Variants in GRIK1 observed in about 807,000 individuals in gnomAD.
GRIK1 encodes glutamate ionotropic receptor kainate type subunit 1, also known as glutamate receptor ionotropic, kainate 1.
GRIK1 carries 69 observed loss-of-function variants against 105.7 expected under a neutral mutation model. The ratio of observed to expected loss-of-function variants is 0.65; its 90% CI spans 0.54 to 0.80. The LOEUF is 0.80. GRIK1 is among the 30% of genes least tolerant of loss of function. The pLI, the probability that GRIK1 is intolerant of heterozygous loss-of-function variation, is 0.00. For missense variants in GRIK1, 1,109 were observed against 1,167.3 expected (o/e 0.95, Z 0.73); for synonymous variants, 438 against 431.3 (o/e 1.02, Z -0.19).
chr21:29,630,706 T>C (rs2062248010), intron 7 of GRIK1: 1 of 405,266 alleles, frequency 2.5e-6, no homozygotes, highest in Admixed American at 3.2e-5. Flanking sequence ...AGACTTCTCA[T>C]CTACAGAAAC....
chr21:29,678,854 G>A (rs1036981112), intron 3 of GRIK1, among the ~76,000 whole-genome samples: 79 of 152,142 alleles, frequency 5.2e-4, no homozygotes, highest in African/African-American at 1.8e-3. Flanking sequence ...AGCACATCTT[G>A]CATTTTAGCT....
At chr21:29,726,517 T>A (rs1212676270) in intron 1 of GRIK1, among the ~76,000 whole-genome samples, 1 of 152,204 alleles carries the variant, frequency 6.6e-6, no homozygotes, top group Non-Finnish European at 1.5e-5. Context: ...TCCCCTATAA[T>A]TCCATCACAA....
chr21:29,780,692 G>A (rs551490790), intron 1 of GRIK1, among the ~76,000 whole-genome samples: 1 of 152,282 alleles, frequency 6.6e-6, no homozygotes, highest in East Asian at 1.9e-4. Flanking sequence ...TTTCAAGCCA[G>A]CAAACTTGTT....
chr21:29,938,287 C>T (rs2071842190), intron 1 of GRIK1, among the ~76,000 whole-genome samples: 1 of 152,194 alleles, frequency 6.6e-6, no homozygotes, highest in African/African-American at 2.4e-5. Flanking sequence ...TTCACTCTTG[C>T]GGTTGAAAGT....
At chr21:29,629,242 C>T (rs1394140247) in intron 7 of GRIK1, among the ~76,000 whole-genome samples, 1 of 133,420 alleles carries the variant, frequency 7.5e-6, no homozygotes, top group Non-Finnish European at 1.6e-5. Context: ...GTGCTATTTG[C>T]AAAAGCTTTC....
At chr21:29,894,221 C>A (rs2070020365) in intron 1 of GRIK1, among the ~76,000 whole-genome samples, 1 of 152,060 alleles carries the variant, frequency 6.6e-6, no homozygotes, top group Admixed American at 6.5e-5. Flanking sequence ...AAGGTAAAGT[C>A]CCACGAGAGA....
chr21:29,812,360 A>T (rs960711564), intron 1 of GRIK1, among the ~76,000 whole-genome samples: 5 of 152,076 alleles, frequency 3.3e-5, no homozygotes, highest in Non-Finnish European at 5.9e-5. Flanking sequence ...TCTGCCCTTC[A>T]CTCTCTTATT....
intron 1 of GRIK1, among the ~76,000 whole-genome samples, chr21:29,711,652 T>A (rs564123909): frequency 1.3e-5 from 2 of 152,278 alleles, no homozygotes; most frequent in Admixed American, 6.5e-5. Context: ...CCAATGTATT[T>A]ACACTTTAAA....
At chr21:29,786,235 C>T (rs912563916) in intron 1 of GRIK1, among the ~76,000 whole-genome samples, 1 of 152,228 alleles carries the variant, frequency 6.6e-6, no homozygotes, top group Non-Finnish European at 1.5e-5. Context: ...GATCCGCCCG[C>T]CTCAGCCTCC....
chr21:29,625,056 T>A (rs566559126), intron 7 of GRIK1, among the ~76,000 whole-genome samples: 30 of 152,344 alleles, frequency 2.0e-4, no homozygotes, highest in African/African-American at 7.2e-4. Context: ...CACGAGGCCA[T>A]GTTTATTTTG....
intron 3 of GRIK1, among the ~76,000 whole-genome samples, chr21:29,676,672 A>T (rs1486172284): frequency 6.6e-6 from 1 of 152,094 alleles, no homozygotes; most frequent in Admixed American, 6.5e-5. Flanking sequence ...GATAACGTGA[A>T]TTTTTTTCTA....
chr21:29,766,091 C>T (rs900533135), intron 1 of GRIK1, among the ~76,000 whole-genome samples: 2 of 152,032 alleles, frequency 1.3e-5, no homozygotes, highest in African/African-American at 2.4e-5. Context: ...CTTCGTGATC[C>T]GGCCGCCTTG....
chr21:29,569,782 G>T (rs1053108032), intron 14 of GRIK1, among the ~76,000 whole-genome samples: 2 of 152,178 alleles, frequency 1.3e-5, no homozygotes, highest in East Asian at 3.8e-4. Flanking sequence ...GTTTCATAAG[G>T]TAATTAATAG....
chr21:29,704,230 A>G (rs1455960050), intron 1 of GRIK1, among the ~76,000 whole-genome samples: 1 of 152,216 alleles, frequency 6.6e-6, no homozygotes, highest in Non-Finnish European at 1.5e-5. Context: ...CCCTCAGCAG[A>G]GCTTCCAGTC....
chr21:29,583,820 T>C (rs1437171339), intron 12 of GRIK1, among the ~76,000 whole-genome samples: 1 of 152,166 alleles, frequency 6.6e-6, no homozygotes, highest in Non-Finnish European at 1.5e-5. Context: ...GTTGCCTGGA[T>C]GTAGACATTT....
chr21:29,590,991 C>T, intron 10 of GRIK1, 121 bp downstream of exon 10: 1 of 720,416 alleles, frequency 1.4e-6, no homozygotes, highest in South Asian at 1.6e-5. Context: ...TTTTAGTGTC[C>T]TAGTTAAAAA....
chr21:29,741,562 T>C (rs747773446), intron 1 of GRIK1, among the ~76,000 whole-genome samples: 7 of 152,178 alleles, frequency 4.6e-5, no homozygotes, highest in Non-Finnish European at 1.0e-4. Flanking sequence ...TCTAGAACCA[T>C]TTCAAAATCA....
intron 1 of GRIK1, among the ~76,000 whole-genome samples, chr21:29,705,269 A>C (rs559921122): frequency 6.6e-6 from 1 of 152,216 alleles, no homozygotes; most frequent in Non-Finnish European, 1.5e-5. Context: ...GTGTGTGCGT[A>C]TATGTTGCCC....
In GRIK1 at chr21:29,581,467, G is replaced by C. The variant is rs991611497; in HGVS notation, c.1870C>G (p.Leu624Val). 6.2e-7 allele frequency: 1 copy of C among 1,612,986 alleles called. No individual in the cohort carries two copies. Among genetic ancestry groups the C allele is most frequent in the South Asian group, 1.1e-5 (1 of 91,054 alleles). ...SDVVENNFTL[L>V]NSFWFGVGAL... The stretch of plus-strand genomic sequence containing the variant: ...CCAACTCCAAACCAGAAACTATTTA[G>C]TAAAGTAAAATTGTTTTCCACCACG... The change falls in exon 13 of 18, where the codon CTA becomes GTA. Residue 624 changes from leucine to valine, a missense_variant. Leu to Val is a conservative substitution (Grantham distance 32). This residue lies in a region of GRIK1 where 264 missense variants were observed against 306.9 expected (regional missense o/e 0.86). Coordinates refer to ENST00000327783, the MANE Select transcript of GRIK1 (RefSeq NM_001330994.2).
Sources: gnomAD v4.1 joint callset for allele counts (sites outside exome capture counted in the v4.1 genomes callset) on GRCh38, gnomAD v4.1.1 for gene constraint, gnomAD v4.1.1 regional missense constraint, MANE v1.5 for transcripts, NCBI Gene and HGNC (gene_info 2026-07-23, HGNC 2026-07-21) for gene names.